RIMBP2: variants seen among roughly 807,000 people sequenced by gnomAD.
RIMBP2 encodes RIMS binding protein 2.
Under a neutral mutation model 118.6 loss-of-function variants are expected in RIMBP2, and 48 were observed. The ratio of observed to expected loss-of-function variants is 0.40; its 90% CI spans 0.32 to 0.51. The LOEUF (loss-of-function observed/expected upper bound fraction) is 0.51. Ranked by LOEUF, RIMBP2 falls within the 20% of genes least tolerant of loss-of-function variation. The pLI, the probability that RIMBP2 is intolerant of heterozygous loss-of-function variation, is 0.41. For missense variants in RIMBP2, 1,551 were observed against 1,768.3 expected, an observed-to-expected ratio of 0.88 and a Z score of 2.20; for synonymous variants, 762 against 742.9, an observed-to-expected ratio of 1.03 and a Z score of -0.42.
At position 130,424,453 on chromosome 12, in the gene RIMBP2, C is replaced by A; in HGVS notation, c.2818G>T (p.Ala940Ser). 8.1e-7 allele frequency: 1 copy of A among 1,232,194 alleles called. No individual in the cohort carries two copies. The highest frequency in any genetic ancestry group is 1.0e-6 in the Non-Finnish European group (1 of 987,868). 76.3% of individuals were successfully genotyped at this position (1,232,194 alleles called of 1,614,324 possible). The change falls in exon 16 of 23, where the codon GCG becomes TCG. Residue 940 changes from alanine to serine, a missense_variant. By Grantham distance (99) the Ala-to-Ser change is moderately conservative. Transcript: ENST00000690449. The surrounding 1 kb of genome is among the most constrained non-coding windows in gnomAD (Gnocchi z 9.8). ...CAGTGACCAGGGCCTGGGCTGCACG[C>A]GGCCACGGTGTTTCCGAAGCCAAAC... ...SRFGFGNTVA[A>S]CSPGPGHCPC... is the part of the protein sequence containing the mutation.
intron 2 of RIMBP2, among the ~76,000 whole-genome samples, chr12:130,608,838 G>A (rs150674300): frequency 4.6e-5 from 7 of 152,152 alleles, no homozygotes; most frequent in Admixed American, 1.3e-4. Context: ...CCAATACATC[G>A]TCATTAACTA....
At position 130,468,347 on chromosome 12, in the gene RIMBP2, C is replaced by T. The variant is rs567744909; in HGVS notation, c.153+2346G>A. On this transcript the variant is annotated intron_variant, in intron 6 of 22. Transcript: ENST00000690449. Reference sequence around the variant, plus strand: ...ATCTGGAAGGGTGATTACAGCCAACCTTGGGCCCCTCCCTGAGGGGTTTGG... The same window carrying T: ...ATCTGGAAGGGTGATTACAGCCAACTTTGGGCCCCTCCCTGAGGGGTTTGG... Among the ~76,000 whole-genome samples, 16 of 151,964 alleles carry T rather than the reference C, an allele frequency of 1.1e-4. No individual in the cohort carries two copies. In the South Asian group the frequency reaches 3.4e-3, roughly 32 times the overall value.
At chr12:130,413,404 C>G (rs1323696949) in intron 18 of RIMBP2, among the ~76,000 whole-genome samples, 2 of 152,074 alleles carry the variant, frequency 1.3e-5, no homozygotes, top group African/African-American at 4.8e-5. Flanking sequence ...CCAAGGCGGG[C>G]AGATCACTTA....
chr12:130,484,865 A>G (rs1366809384), intron 4 of RIMBP2, among the ~76,000 whole-genome samples: 1 of 152,248 alleles, frequency 6.6e-6, no homozygotes, highest in Non-Finnish European at 1.5e-5. Flanking sequence ...TAGAGTAGTT[A>G]CTTAACCTCT....
chr12:130,479,624 C>T (rs1038724539), intron 4 of RIMBP2, among the ~76,000 whole-genome samples: 9 of 151,762 alleles, frequency 5.9e-5, no homozygotes, highest in Non-Finnish European at 1.3e-4. Context: ...GGGCCGAGTC[C>T]GCACCCTCCC....
rs2078886257 is a variant in RIMBP2, at chr12:130,450,250, G to C, written c.531C>G (p.Thr177=). 1 of 1,609,776 alleles carries C rather than the reference G, an allele frequency of 6.2e-7. No individual in the cohort carries two copies. Among genetic ancestry groups the C allele is most frequent in the Non-Finnish European group, 8.5e-7 (1 of 1,177,704 alleles). The change falls in exon 9 of 23, where the codon ACC becomes ACG. Residue 177 remains threonine (T), a synonymous_variant. Transcript: ENST00000690449. This position sits in a 1 kb window ranked among gnomAD's most constrained non-coding sequence, Gnocchi z 4.8. ...CCTTCCCCGAGTATCTCTGCTTGGA[G>C]GTATTGGAATTCCGTTCATTCTCCA... is the stretch of plus-strand genomic sequence containing the variant. The part of the protein sequence containing the change: ...SDMENERNSN[T]SKQRYSGKVH...
At position 130,441,447 on chromosome 12, in the gene RIMBP2, A is replaced by T. The variant is rs142731725; in HGVS notation, c.1504+401T>A. ...TAATAATAATAATAATAATAATAAT[A>T]ATTTACAAGGACGAGAAAGAAGGAA... is the stretch of plus-strand genomic sequence containing the variant. On this transcript the variant is annotated intron_variant, in intron 11 of 22. Coordinates refer to ENST00000690449, the MANE Select transcript of RIMBP2 (RefSeq NM_001393629.1). 2.8e-3 allele frequency among the ~76,000 whole-genome samples: 388 copies of T among 141,052 alleles called. 3 individuals carry two copies. The highest frequency in any genetic ancestry group is 9.5e-3 in the African/African-American group (365 of 38,382). 92.5% of individuals were successfully genotyped at this position (141,052 alleles called of 152,430 possible). A position where few individuals can be genotyped will look rare whatever the true frequency, so the allele number is the denominator to read the frequency against.
chr12:130,574,450 C>T (rs1390315136), intron 2 of RIMBP2, among the ~76,000 whole-genome samples: 1 of 152,184 alleles, frequency 6.6e-6, no homozygotes, highest in African/African-American at 2.4e-5. Context: ...TTGCCAATGA[C>T]ATGAGAGAAT....
At chr12:130,564,306 A>T (rs541642753) in intron 2 of RIMBP2, among the ~76,000 whole-genome samples, 16 of 131,344 alleles carry the variant, frequency 1.2e-4, no homozygotes, top group African/African-American at 4.4e-4. Context: ...TCCTTATTTT[A>T]TTTCCCCAGT....
chr12:130,552,031 G>A (rs1197244398), intron 2 of RIMBP2, among the ~76,000 whole-genome samples: 1 of 152,240 alleles, frequency 6.6e-6, no homozygotes. Context: ...CGTTTCCACA[G>A]CATTGGATTA....
At chr12:130,435,990 G>A (rs1253264633) in intron 13 of RIMBP2, among the ~76,000 whole-genome samples, 3 of 152,182 alleles carry the variant, frequency 2.0e-5, no homozygotes, top group East Asian at 1.9e-4. Flanking sequence ...GTAGGGTCCC[G>A]GTGAGACCCC....
chr12:130,693,085 G>T (rs1335969154), intron 1 of RIMBP2, among the ~76,000 whole-genome samples: 1 of 152,048 alleles, frequency 6.6e-6, no homozygotes, highest in South Asian at 2.1e-4. Context: ...CCTAAGACAC[G>T]ATTTGAACAC....
chr12:130,712,346 A>C lies in RIMBP2; in HGVS notation c.-352+3876T>G, dbSNP rs566176308. The stretch of plus-strand genomic sequence containing the variant: ...CACATTGTACAGCTGTACAAAAATA[A>C]TTTCTTTCTTTATATCCTCATCTAT... On this transcript the variant is annotated intron_variant, in intron 1 of 22. Transcript: ENST00000690449. 1.8e-3 allele frequency among the ~76,000 whole-genome samples: 270 copies of C among 152,254 alleles called. 4 individuals are homozygous for C. The highest frequency in any genetic ancestry group is 6.3e-3 in the African/African-American group (263 of 41,556).
intron 1 of RIMBP2, among the ~76,000 whole-genome samples, chr12:130,655,822 C>A (rs954813182): frequency 6.6e-6 from 1 of 152,190 alleles, no homozygotes; most frequent in Non-Finnish European, 1.5e-5. Flanking sequence ...AAGGGAGGGA[C>A]GTTGGCTTCA....
At chr12:130,714,432 C>T (rs1030818255) in intron 1 of RIMBP2, among the ~76,000 whole-genome samples, 4 of 152,220 alleles carry the variant, frequency 2.6e-5, no homozygotes, top group Admixed American at 2.6e-4. Flanking sequence ...TGGGGGAGGC[C>T]GGCTGCTATG....
Position 130,419,328 on chromosome 12 carries a change from G to A in RIMBP2, c.3238+3125C>T, listed in dbSNP as rs1381154410. Among the ~76,000 whole-genome samples, 1 of 152,204 alleles carries A rather than the reference G, an allele frequency of 6.6e-6. No homozygotes were observed. The highest frequency in any genetic ancestry group is 1.5e-5 in the Non-Finnish European group (1 of 68,036). The stretch of plus-strand genomic sequence containing the variant: ...AGGGGTCTTTGTTAGGAGGAAGGGT[G>A]TGCATATCGTGTGGGAGATCAGGGC... On this transcript the variant is annotated intron_variant, in intron 17 of 22. Coordinates refer to ENST00000690449, the MANE Select transcript of RIMBP2 (RefSeq NM_001393629.1). The surrounding 1 kb of genome is among the most constrained non-coding windows in gnomAD (Gnocchi z 4.3).
At chr12:130,470,486 T>C in intron 6 of RIMBP2, 1 of 389,674 alleles carries the variant, frequency 2.6e-6, no homozygotes, top group Non-Finnish European at 4.5e-6. Flanking sequence ...TCTCTGTGCC[T>C]CAGTTTCCCT....
intron 2 of RIMBP2, among the ~76,000 whole-genome samples, chr12:130,543,859 A>T (rs2054839375): frequency 6.6e-6 from 1 of 152,176 alleles, no homozygotes; most frequent in South Asian, 2.1e-4. Flanking sequence ...CAGCAATTTA[A>T]GTCATTTTAT....
At chr12:130,624,133 T>C (rs1013593102) in intron 2 of RIMBP2, among the ~76,000 whole-genome samples, 1 of 152,200 alleles carries the variant, frequency 6.6e-6, no homozygotes, top group Non-Finnish European at 1.5e-5. Context: ...TGGGTGCCAA[T>C]GTACTCATAG....
Sources: allele counts gnomAD v4.1 joint callset (sites outside exome capture counted in the v4.1 genomes callset), GRCh38; gene constraint gnomAD v4.1.1; non-coding constraint Gnocchi (gnomAD v3.1); transcripts MANE v1.5; gene names NCBI Gene and HGNC (gene_info 2026-07-23, HGNC 2026-07-21).